The following CAMK1D variants were observed in gnomAD, a reference collection of about 807,000 sequenced individuals.
CAMK1D encodes calcium/calmodulin dependent protein kinase ID, also known as calcium/calmodulin-dependent protein kinase type 1D.
CAMK1D carries 9 observed loss-of-function variants against 47.7 expected under a neutral mutation model. That is an observed-to-expected ratio of 0.19 (90% CI 0.11 to 0.33). The LOEUF (loss-of-function observed/expected upper bound fraction) is 0.33, where lower values mean the gene tolerates loss of function less well. Among genes scored for constraint, CAMK1D ranks in the 10% least tolerant of loss-of-function variants. The probability of loss-of-function intolerance (pLI) is 1.00; values close to 1 mark genes in which losing one functional copy is unlikely to be tolerated. For synonymous variants in CAMK1D, 184 were observed against 184.9 expected (o/e 0.99, Z 0.04); for missense variants, 291 against 488.7 (o/e 0.60, Z 3.81).
intron 8 of CAMK1D, among the ~76,000 whole-genome samples, chr10:12,822,372 C>T (rs752514614): frequency 2.0e-5 from 3 of 152,208 alleles, no homozygotes; most frequent in Non-Finnish European, 4.4e-5. Flanking sequence ...TGCTGCACAG[C>T]CCAGGACTGT....
intron 3 of CAMK1D, among the ~76,000 whole-genome samples, chr10:12,727,187 C>T (rs553315313): frequency 1.3e-5 from 2 of 152,200 alleles, no homozygotes; most frequent in Non-Finnish European, 1.5e-5. Flanking sequence ...AACTGAGCCT[C>T]GTTTTGATGA....
intron 2 of CAMK1D, among the ~76,000 whole-genome samples, chr10:12,615,615 C>A (rs768381195): frequency 1.4e-5 from 2 of 144,784 alleles, no homozygotes; most frequent in Admixed American, 1.4e-4. Flanking sequence ...AGTATGTATA[C>A]GTATGTGTAG....
At chr10:12,536,048 C>A (rs1835960168) in intron 1 of CAMK1D, among the ~76,000 whole-genome samples, 1 of 152,044 alleles carries the variant, frequency 6.6e-6, no homozygotes, top group African/African-American at 2.4e-5. Flanking sequence ...CATATGTGTC[C>A]TCCCAACTGT....
chr10:12,523,181 C>G (rs907458984), intron 1 of CAMK1D, among the ~76,000 whole-genome samples: 30 of 151,502 alleles, frequency 2.0e-4, no homozygotes, highest in Non-Finnish European at 2.4e-4. Flanking sequence ...CCTCACATCC[C>G]AGACGGGGCG....
Position 12,474,615 on chromosome 10 carries a change from T to C in CAMK1D, c.93-78610T>C, listed in dbSNP as rs1463622578. ...TTTTTGTTGTTTTAACTTTTATTTATGTTCAGGGAGTTGTACAGGTTTGTT... is the reference window on the plus strand; with the variant it reads ...TTTTTGTTGTTTTAACTTTTATTTACGTTCAGGGAGTTGTACAGGTTTGTT... On this transcript the variant is annotated intron_variant, in intron 1 of 10. Transcript: ENST00000619168. 2.0e-5 allele frequency among the ~76,000 whole-genome samples: 3 copies of C among 152,312 alleles called. No homozygotes were observed. In the East Asian group the frequency reaches 5.8e-4, roughly 29 times the overall value.
At chr10:12,558,283 G>A (rs919197090) in intron 2 of CAMK1D, among the ~76,000 whole-genome samples, 1 of 152,126 alleles carries the variant, frequency 6.6e-6, no homozygotes, top group African/African-American at 2.4e-5. Flanking sequence ...TGACCGGCAC[G>A]GTGGCTCACA....
At chr10:12,563,704 A>AGAGAGAGG (rs1837027851) in intron 2 of CAMK1D, among the ~76,000 whole-genome samples, 1 of 150,566 alleles carries the variant, frequency 6.6e-6, no homozygotes, top group African/African-American at 2.5e-5. Flanking sequence ...AGAGAGGGAG[A>AGAGAGAGG]GAGAGGGAGA....
chr10:12,492,461 TA>T (rs1355029424), intron 1 of CAMK1D, among the ~76,000 whole-genome samples: 10 of 151,820 alleles, frequency 6.6e-5, no homozygotes, highest in African/African-American at 2.4e-4. Flanking sequence ...AGTTTGAGAC[TA>T]GCCTGGGCAA....
chr10:12,812,190 G>A (rs1035218713), intron 6 of CAMK1D, among the ~76,000 whole-genome samples: 2 of 152,246 alleles, frequency 1.3e-5, no homozygotes, highest in Non-Finnish European at 2.9e-5. Context: ...TGTGCTGACA[G>A]CCTAATCCCT....
chr10:12,785,919 C>T (rs541277256), intron 5 of CAMK1D, among the ~76,000 whole-genome samples: 4 of 152,180 alleles, frequency 2.6e-5, no homozygotes, highest in South Asian at 2.1e-4. Context: ...TCACAGGAGG[C>T]GAGCAGGAGA....
chr10:12,824,069 C>T (rs1324673123), intron 8 of CAMK1D, among the ~76,000 whole-genome samples: 2 of 151,354 alleles, frequency 1.3e-5, no homozygotes, highest in African/African-American at 2.4e-5. Flanking sequence ...TTGGAGGTGG[C>T]GCATGGTGGC....
chr10:12,451,449 T>C (rs976918256), intron 1 of CAMK1D, among the ~76,000 whole-genome samples: 1 of 152,310 alleles, frequency 6.6e-6, no homozygotes, highest in African/African-American at 2.4e-5. Context: ...ACTCTTGCCC[T>C]CTTCTTGGGA....
chr10:12,360,080 C>T (rs1837615232), intron 1 of CAMK1D, among the ~76,000 whole-genome samples: 1 of 152,154 alleles, frequency 6.6e-6, no homozygotes, highest in Non-Finnish European at 1.5e-5. Context: ...TTTACTGGTG[C>T]CTCTATCACA....
At chr10:12,627,745 A>G (rs546617817) in intron 2 of CAMK1D, among the ~76,000 whole-genome samples, 2 of 152,308 alleles carry the variant, frequency 1.3e-5, no homozygotes, top group South Asian at 4.1e-4. Context: ...CTTTGCATAA[A>G]TGTAACACGA....
intron 2 of CAMK1D, among the ~76,000 whole-genome samples, chr10:12,599,863 A>C (rs905298611): frequency 6.6e-6 from 1 of 152,234 alleles, no homozygotes; most frequent in South Asian, 2.1e-4. Flanking sequence ...AGGATTGTTA[A>C]ATGCACACAT....
intron 1 of CAMK1D, among the ~76,000 whole-genome samples, chr10:12,443,635 T>A (rs115831398): frequency 0.025 from 3,769 of 152,110 alleles, 149 homozygotes; most frequent in African/African-American, 0.084. Flanking sequence ...ATTTTATTTT[T>A]TTTTTTATTT....
intron 1 of CAMK1D, among the ~76,000 whole-genome samples, chr10:12,485,521 C>T (rs1436462987): frequency 1.4e-4 from 21 of 152,098 alleles, no homozygotes; most frequent in Non-Finnish European, 5.9e-5. Flanking sequence ...GAGGGCTGGT[C>T]ACAGGGAGCC....
intron 2 of CAMK1D, among the ~76,000 whole-genome samples, chr10:12,561,038 C>T (rs891364612): frequency 2.6e-5 from 4 of 152,010 alleles, no homozygotes; most frequent in Non-Finnish European, 4.4e-5. Context: ...CTCAGCCTCC[C>T]GAGTAGCTGG....
chr10:12,490,589 C>G (rs1834353905), intron 1 of CAMK1D, among the ~76,000 whole-genome samples: 1 of 152,194 alleles, frequency 6.6e-6, no homozygotes, highest in Non-Finnish European at 1.5e-5. Flanking sequence ...CGGCTCACGC[C>G]TGTAATCCCA....
Sources: allele counts gnomAD v4.1 joint callset (sites outside exome capture counted in the v4.1 genomes callset), GRCh38; gene constraint gnomAD v4.1.1; transcripts MANE v1.5; gene names NCBI Gene and HGNC (gene_info 2026-07-23, HGNC 2026-07-21).